The following SH3RF3 variants were observed in gnomAD, a reference collection of about 807,000 sequenced individuals.
SH3RF3 encodes the protein E3 ubiquitin-protein ligase SH3RF3.
In SH3RF3, 29 loss-of-function variants were observed where a neutral mutation model predicts 66.3. That is an observed-to-expected ratio of 0.44 (90% CI 0.33 to 0.60). SH3RF3 has a LOEUF of 0.60. SH3RF3 is among the 20% of genes least tolerant of loss of function. The pLI is 0.04. For synonymous variants in SH3RF3, 583 were observed against 532.0 expected (o/e 1.10, Z -1.32); for missense variants, 1,194 against 1,190.9 (o/e 1.00, Z -0.04).
At chr2:109,437,780 GCCT>G (rs1183423591) in intron 7 of SH3RF3, among the ~76,000 whole-genome samples, 1 of 152,202 alleles carries the variant, frequency 6.6e-6, no homozygotes, top group African/African-American at 2.4e-5. Flanking sequence ...TATGGGGTGG[GCCT>G]TAAAGGCATA....
intron 8 of SH3RF3, among the ~76,000 whole-genome samples, chr2:109,450,986 G>A (rs552082084): frequency 4.6e-5 from 7 of 152,308 alleles, no homozygotes; most frequent in African/African-American, 1.2e-4. Flanking sequence ...CTGACTCGGC[G>A]GGCTCTCTGC....
At chr2:109,296,234 T>TATTATTATTATTATTATC (rs1340098545) in intron 1 of SH3RF3, among the ~76,000 whole-genome samples, 1 of 151,878 alleles carries the variant, frequency 6.6e-6, no homozygotes, top group African/African-American at 2.4e-5. Context: ...GTATTATTAT[T>TATTATTATTATTATTATC]ATTATTATTC....
intron 8 of SH3RF3, among the ~76,000 whole-genome samples, chr2:109,471,680 C>T (rs1343879800): frequency 2.0e-5 from 3 of 152,092 alleles, no homozygotes; most frequent in African/African-American, 4.8e-5. Context: ...CATGCTGGGG[C>T]GGGGTCTAAG....
intron 2 of SH3RF3, among the ~76,000 whole-genome samples, chr2:109,353,968 C>G (rs1046523381): frequency 3.9e-5 from 6 of 152,254 alleles, no homozygotes; most frequent in African/African-American, 1.4e-4. Flanking sequence ...CCTAGATGCT[C>G]TGGAAAGTCA....
intron 1 of SH3RF3, among the ~76,000 whole-genome samples, chr2:109,306,516 A>G (rs959707234): frequency 3.3e-5 from 5 of 152,162 alleles, no homozygotes; most frequent in African/African-American, 1.2e-4. Flanking sequence ...GCCTCTTTGT[A>G]CATCTCCGAC....
intron 9 of SH3RF3, among the ~76,000 whole-genome samples, chr2:109,491,408 T>A (rs768417350): frequency 2.4e-4 from 37 of 152,178 alleles, no homozygotes; most frequent in Non-Finnish European, 4.7e-4. Context: ...CAAGTCTATA[T>A]CCCTTGAATT....
At chr2:109,270,021 T>C (rs983071226) in intron 1 of SH3RF3, among the ~76,000 whole-genome samples, 1 of 152,202 alleles carries the variant, frequency 6.6e-6, no homozygotes, top group Non-Finnish European at 1.5e-5. Flanking sequence ...ACTTAATAGA[T>C]TGCGATTGAA....
chr2:109,340,248 C>T (rs183961919), intron 1 of SH3RF3, among the ~76,000 whole-genome samples: 36 of 152,206 alleles, frequency 2.4e-4, no homozygotes, highest in South Asian at 4.1e-4. Flanking sequence ...AATTTCCTAT[C>T]GGTAAAGTGC....
chr2:109,157,279 C>CA (rs1677369534), intron 1 of SH3RF3, among the ~76,000 whole-genome samples: 1 of 152,206 alleles, frequency 6.6e-6, no homozygotes, highest in African/African-American at 2.4e-5. Context: ...AGAGAGCCCG[C>CA]ATTCCTGTCT....
chr2:109,374,841 C>T (rs745360154), intron 3 of SH3RF3, among the ~76,000 whole-genome samples: 2 of 152,232 alleles, frequency 1.3e-5, no homozygotes, highest in African/African-American at 2.4e-5. Context: ...CTCACCTGGC[C>T]TCAGCTTCCC....
intron 1 of SH3RF3, among the ~76,000 whole-genome samples, chr2:109,146,020 T>C (rs1357707503): frequency 6.9e-6 from 1 of 144,328 alleles, no homozygotes; most frequent in Non-Finnish European, 1.5e-5. Context: ...TGTCCTTGTC[T>C]ATGTGGGCCG....
At chr2:109,424,594 T>C (rs1256659574) in intron 5 of SH3RF3, among the ~76,000 whole-genome samples, 11 of 152,238 alleles carry the variant, frequency 7.2e-5, no homozygotes, top group Non-Finnish European at 1.2e-4. Context: ...GTAATTCTTA[T>C]AATATTTCAA....
intron 1 of SH3RF3, among the ~76,000 whole-genome samples, chr2:109,318,086 T>C (rs1240068805): frequency 1.4e-5 from 2 of 140,036 alleles, no homozygotes; most frequent in Admixed American, 7.1e-5. Flanking sequence ...ATGAGCACGC[T>C]GAATTTCAGT....
chr2:109,276,650 T>C (rs1389214798), intron 1 of SH3RF3, among the ~76,000 whole-genome samples: 1 of 152,228 alleles, frequency 6.6e-6, no homozygotes, highest in Non-Finnish European at 1.5e-5. Flanking sequence ...GCTGGACAAA[T>C]CTGAACTGTT....
intron 1 of SH3RF3, among the ~76,000 whole-genome samples, chr2:109,305,176 G>A (rs10167958): frequency 0.59 from 89,806 of 151,956 alleles, 27,912 homozygotes; most frequent in East Asian, 0.91. Context: ...GATCTTCTGG[G>A]TTAGTTGCCA....
intron 1 of SH3RF3, among the ~76,000 whole-genome samples, chr2:109,152,550 A>G (rs1195782423): frequency 6.6e-6 from 1 of 152,242 alleles, no homozygotes; most frequent in Non-Finnish European, 1.5e-5. Context: ...AGTTCACTGC[A>G]TGGAAATTGG....
chr2:109,431,403 A>G (rs897457834), intron 5 of SH3RF3, among the ~76,000 whole-genome samples: 3 of 152,168 alleles, frequency 2.0e-5, no homozygotes, highest in African/African-American at 7.2e-5. Flanking sequence ...TTCAAAACCA[A>G]CCTTCCCCAA....
In SH3RF3 at chr2:109,490,947, G is replaced by C; in HGVS notation, c.2480+11G>C. 1 of 1,469,076 alleles carries C rather than the reference G, an allele frequency of 6.8e-7. No individual in the cohort carries two copies. Among genetic ancestry groups the C allele is most frequent in the Non-Finnish European group, 9.0e-7 (1 of 1,108,794 alleles). 91.0% of individuals were successfully genotyped at this position (1,469,076 alleles called of 1,614,324 possible). On this transcript the variant is annotated intron_variant, in intron 9 of 9. Transcript: ENST00000309415. ...GTTGCCCAGAGAGAGGTAAGTGCAG[G>C]GGCTTGTCTGCTCTGTGGCATGCTG...
At chr2:109,307,010 C>T (rs1454714779) in intron 1 of SH3RF3, among the ~76,000 whole-genome samples, 1 of 152,192 alleles carries the variant, frequency 6.6e-6, no homozygotes, top group African/African-American at 2.4e-5. Flanking sequence ...ATTGAGGGCA[C>T]ACATTATTAT....
Sources: gnomAD v4.1 joint callset for allele counts (sites outside exome capture counted in the v4.1 genomes callset) on GRCh38, gnomAD v4.1.1 for gene constraint, MANE v1.5 for transcripts, NCBI Gene and HGNC (gene_info 2026-07-23, HGNC 2026-07-21) for gene names.